The following MANBA variants were observed in gnomAD, a reference collection of about 807,000 sequenced individuals.
The protein encoded by MANBA is beta-mannosidase.
MANBA carries 83 observed loss-of-function variants against 111.1 expected under a neutral mutation model. The observed-to-expected ratio is 0.75, with a 90% CI of 0.63 to 0.90. The LOEUF (loss-of-function observed/expected upper bound fraction) is 0.90, where lower values mean the gene tolerates loss of function less well. Among genes scored for constraint, MANBA ranks in the 40% least tolerant of loss-of-function variants. The pLI, the probability that MANBA is intolerant of heterozygous loss-of-function variation, is 0.00. For missense variants in MANBA, 1,036 were observed against 1,069.0 expected (o/e 0.97, Z 0.43); for synonymous variants, 370 against 378.7 (o/e 0.98, Z 0.27).
intron 5 of MANBA, among the ~76,000 whole-genome samples, chr4:102,701,604 C>G (rs879563563): frequency 8.8e-4 from 133 of 151,422 alleles, no homozygotes; most frequent in Non-Finnish European, 1.4e-3. Flanking sequence ...GATTTTATTT[C>G]TCCTACACTT....
chr4:102,650,653 G>A lies in MANBA; in HGVS notation c.1753C>T (p.Arg585Ter), dbSNP rs759449765. 4.0e-5 allele frequency: 65 copies of A among 1,613,202 alleles called. No homozygotes were observed. In the Middle Eastern group the frequency reaches 4.9e-4, roughly 12 times the overall value. The change falls in exon 13 of 17, where the codon CGA becomes TGA. Residue 585 changes from arginine to a stop codon, truncating the protein, a stop_gained. Transcript: ENST00000647097. LOFTEE classifies it high-confidence loss of function. ...WSFNSKFSLH[R>*]QHHEGGNKQM... ...TTGTTACCACCTTCGTGATGTTGTC[G>A]ATGAAGTGAAAACTTGCTATTGAAA...
intron 14 of MANBA, among the ~76,000 whole-genome samples, chr4:102,638,286 C>T (rs1388122657): frequency 6.6e-6 from 1 of 152,006 alleles, no homozygotes; most frequent in Non-Finnish European, 1.5e-5. Flanking sequence ...ATGAGCCAGG[C>T]ATGGTGGTAT....
At chr4:102,733,707 T>C (rs932465521) in intron 1 of MANBA, among the ~76,000 whole-genome samples, 2 of 152,202 alleles carry the variant, frequency 1.3e-5, no homozygotes, top group African/African-American at 4.8e-5. Context: ...TGAAGTAATC[T>C]GATGTTAATC....
At chr4:102,735,540 T>C (rs1454055021) in intron 1 of MANBA, among the ~76,000 whole-genome samples, 2 of 146,328 alleles carry the variant, frequency 1.4e-5, no homozygotes, top group African/African-American at 5.1e-5. Context: ...AAAAAAAAAG[T>C]TATAGAGGCT....
chr4:102,731,546 C>T (rs1016123832), intron 1 of MANBA, among the ~76,000 whole-genome samples: 1 of 152,148 alleles, frequency 6.6e-6, no homozygotes, highest in African/African-American at 2.4e-5. Context: ...AGCAAACTGC[C>T]ACCCACAGGC....
chr4:102,706,683 C>T (rs995609749), intron 5 of MANBA, among the ~76,000 whole-genome samples: 1 of 151,184 alleles, frequency 6.6e-6, no homozygotes, highest in African/African-American at 2.4e-5. Flanking sequence ...TGCAAGATAA[C>T]TCAGAAAAAA....
At chr4:102,706,709 A>G (rs1733313469) in intron 5 of MANBA, among the ~76,000 whole-genome samples, 1 of 152,180 alleles carries the variant, frequency 6.6e-6, no homozygotes, top group Non-Finnish European at 1.5e-5. Context: ...AATCAGAAAA[A>G]CAATTCAAAG....
intron 7 of MANBA, 79 bp from the exon 8 acceptor site, chr4:102,674,149 T>C (rs1338449024): frequency 2.8e-6 from 3 of 1,089,558 alleles, no homozygotes; most frequent in Non-Finnish European, 4.1e-6. Context: ...GCAGACCTTT[T>C]TGAAAAACTA....
Position 102,688,373 on chromosome 4 carries a change from TC to T in MANBA, c.960+1200del, listed in dbSNP as rs1331768446. ...CACACATACACACTCTTTCTCTCTCTCCCCTCCCCCCTTACACACACACACA... is the reference window on the plus strand; with the variant it reads ...CACACATACACACTCTTTCTCTCTCTCCCTCCCCCCTTACACACACACACA... On this transcript the variant is annotated intron_variant, in intron 7 of 16. Transcript: ENST00000647097. 6.3e-5 allele frequency among the ~76,000 whole-genome samples: 7 copies of T among 111,984 alleles called. No homozygotes were observed. In the Admixed American group the frequency reaches 6.4e-4, roughly 10 times the overall value. The allele number at this position is 111,984 out of a possible 152,430, so 73.5% of individuals were successfully genotyped here. A position where few individuals can be genotyped will look rare whatever the true frequency, so the allele number is the denominator to read the frequency against.
At position 102,657,760 on chromosome 4, in the gene MANBA, G is replaced by A. The variant is rs747899812; in HGVS notation, c.1626C>T (p.Asn542=). ...ATCGAGCTTTTGGGAAAACTTTCCA[G>A]TTCCAGCAATCACTGATATAGTCAT... ...HFYDYISDCW[N]WKVFPKARFA... Residue 542 remains asparagine, a synonymous_variant, in exon 12 of 17, where the codon AAC becomes AAT. Coordinates refer to ENST00000647097, the MANE Select transcript of MANBA (RefSeq NM_005908.4). 1 of 1,613,914 alleles carries A rather than the reference G, an allele frequency of 6.2e-7. No homozygotes were observed. The highest frequency in any genetic ancestry group is 1.1e-5 in the South Asian group (1 of 91,086).
rs1252640331 is a variant in MANBA, at chr4:102,690,786, G to T, written c.674-15C>A. On this transcript the variant is annotated splice_polypyrimidine_tract_variant and intron_variant, in intron 5 of 16. Coordinates refer to ENST00000647097, the MANE Select transcript of MANBA (RefSeq NM_005908.4). ...GGCACTCTTATCTAAAATATAAAAA[G>T]AAAAAGAAATATATATATATATATA... The T allele has an allele frequency of 1.8e-6, 2 of 1,130,046 alleles. No homozygotes were observed. The highest frequency in any genetic ancestry group is 1.2e-6 in the Non-Finnish European group (1 of 812,526). 70.0% of individuals were successfully genotyped at this position (1,130,046 alleles called of 1,614,324 possible).
chr4:102,728,860 AC>A, intron 1 of MANBA: 1 of 823,674 alleles, frequency 1.2e-6, no homozygotes, highest in Non-Finnish European at 2.0e-6. Context: ...TGGAGCCCAC[AC>A]CAGAGCCAAA....
intron 7 of MANBA, among the ~76,000 whole-genome samples, chr4:102,682,241 A>G (rs899747541): frequency 6.6e-6 from 1 of 152,148 alleles, no homozygotes; most frequent in Non-Finnish European, 1.5e-5. Flanking sequence ...AAATCTAAGC[A>G]TACATGTATA....
chr4:102,714,596 G>T (rs768075969), intron 4 of MANBA, 35 bp from the exon 5 acceptor site: 1 of 1,589,058 alleles, frequency 6.3e-7, no homozygotes, highest in South Asian at 1.1e-5. Context: ...GATATATTCT[G>T]ATTATGGTGA....
chr4:102,682,213 T>C (rs1246251763), intron 7 of MANBA, among the ~76,000 whole-genome samples: 1 of 150,924 alleles, frequency 6.6e-6, no homozygotes, highest in Non-Finnish European at 1.5e-5. Context: ...ATTACAGGAC[T>C]GGTAATAAAA....
At chr4:102,676,155 C>T (rs906131726) in intron 7 of MANBA, among the ~76,000 whole-genome samples, 10 of 152,128 alleles carry the variant, frequency 6.6e-5, no homozygotes, top group Non-Finnish European at 1.5e-5. Context: ...AGCCACCTTT[C>T]TCTTGACTTT....
chr4:102,748,014 AAG>A (rs1406002549), intron 1 of MANBA, among the ~76,000 whole-genome samples: 1 of 152,180 alleles, frequency 6.6e-6, no homozygotes, highest in East Asian at 1.9e-4. Context: ...AGCTGATAGG[AAG>A]AGTCAGAGGA....
At position 102,653,079 on chromosome 4, in the gene MANBA, T is replaced by C. The variant is rs531484709; in HGVS notation, c.1705-2378A>G. Among the ~76,000 whole-genome samples the C allele has an allele frequency of 2.0e-5, 3 of 152,274 alleles. No individual in the cohort carries two copies. The South Asian group carries it at 6.2e-4, about 32-fold the overall frequency. Reference sequence around the variant, plus strand: ...GAAAATCGAACTGTCATACAAATCATATGGTTAAAATGGTCTATACTAAAG... The same window carrying C: ...GAAAATCGAACTGTCATACAAATCACATGGTTAAAATGGTCTATACTAAAG... On this transcript the variant is annotated intron_variant, in intron 12 of 16. Coordinates refer to ENST00000647097, the MANE Select transcript of MANBA (RefSeq NM_005908.4).
chr4:102,703,931 CA>C (rs757140807), intron 5 of MANBA, among the ~76,000 whole-genome samples: 1 of 151,822 alleles, frequency 6.6e-6, no homozygotes, highest in Admixed American at 6.6e-5. Context: ...CCATCTCTAC[CA>C]AAAATACAAA....
Sources: allele counts gnomAD v4.1 joint callset (sites outside exome capture counted in the v4.1 genomes callset), GRCh38; gene constraint gnomAD v4.1.1; transcripts MANE v1.5; gene names NCBI Gene and HGNC (gene_info 2026-07-23, HGNC 2026-07-21).